The following EPHA6 variants were observed in gnomAD, a reference collection of about 807,000 sequenced individuals.
EPHA6 encodes the protein EPH receptor A6.
In EPHA6, 50 loss-of-function variants were observed where a neutral mutation model predicts 112.0. That is an observed-to-expected ratio of 0.45 (90% confidence interval 0.36 to 0.56). The LOEUF is 0.56. Ranked by LOEUF, EPHA6 falls within the 20% of genes least tolerant of loss-of-function variation. The pLI is 0.00. For missense variants in EPHA6, 1,280 were observed against 1,417.4 expected (o/e 0.90, Z 1.56); for synonymous variants, 529 against 490.7 (o/e 1.08, Z -1.03).
intron 14 of EPHA6, among the ~76,000 whole-genome samples, chr3:97,678,200 T>C (rs2031565225): frequency 6.6e-6 from 1 of 152,150 alleles, no homozygotes; most frequent in Non-Finnish European, 1.5e-5. Flanking sequence ...AGATAGGATG[T>C]GGGAAATACC....
chr3:97,163,115 T>C (rs1021120547), intron 3 of EPHA6, among the ~76,000 whole-genome samples: 2 of 152,086 alleles, frequency 1.3e-5, no homozygotes, highest in East Asian at 3.9e-4. Context: ...TATTTACTTT[T>C]CAAATTATTT....
At chr3:97,384,347 A>T (rs1202180309) in intron 5 of EPHA6, among the ~76,000 whole-genome samples, 2 of 152,208 alleles carry the variant, frequency 1.3e-5, no homozygotes, top group East Asian at 3.9e-4. Flanking sequence ...GTGAGAAGCA[A>T]TGCTGGGATT....
At chr3:97,455,860 A>G (rs2090665792) in intron 7 of EPHA6, among the ~76,000 whole-genome samples, 1 of 152,066 alleles carries the variant, frequency 6.6e-6, no homozygotes, top group South Asian at 2.1e-4. Context: ...GACAAAAAAA[A>G]AAAAGATATT....
intron 5 of EPHA6, among the ~76,000 whole-genome samples, chr3:97,364,573 A>T (rs1168757701): frequency 6.6e-6 from 1 of 152,060 alleles, no homozygotes; most frequent in Non-Finnish European, 1.5e-5. Flanking sequence ...AGAGTATGCA[A>T]AACAGTTACA....
At chr3:97,636,034 T>G (rs2093942000) in intron 13 of EPHA6, among the ~76,000 whole-genome samples, 1 of 152,094 alleles carries the variant, frequency 6.6e-6, no homozygotes, top group South Asian at 2.1e-4. Flanking sequence ...TAACTATTAT[T>G]AAATTAAGTG....
chr3:97,522,765 C>T (rs964196534), intron 10 of EPHA6, among the ~76,000 whole-genome samples: 2 of 151,956 alleles, frequency 1.3e-5, no homozygotes, highest in Admixed American at 6.6e-5. Context: ...ACTTTGTCCT[C>T]GTAGATTCCA....
intron 3 of EPHA6, among the ~76,000 whole-genome samples, chr3:97,028,168 A>G (rs988046280): frequency 6.6e-6 from 1 of 152,170 alleles, no homozygotes; most frequent in Admixed American, 6.6e-5. Flanking sequence ...TTGTTTATAT[A>G]GAGAGGAGAA....
intron 1 of EPHA6, among the ~76,000 whole-genome samples, chr3:96,852,763 A>G (rs1239287467): frequency 3.9e-5 from 6 of 152,146 alleles, no homozygotes; most frequent in Non-Finnish European, 4.4e-5. Flanking sequence ...GATGCAGATA[A>G]TAACTGCATC....
At chr3:97,264,886 T>C (rs532316682) in intron 5 of EPHA6, among the ~76,000 whole-genome samples, 33 of 152,134 alleles carry the variant, frequency 2.2e-4, no homozygotes, top group Non-Finnish European at 3.8e-4. Flanking sequence ...GAGAGGAGGG[T>C]TGCTGCTCTC....
intron 5 of EPHA6, among the ~76,000 whole-genome samples, chr3:97,329,055 C>A (rs560460533): frequency 6.6e-6 from 1 of 151,952 alleles, no homozygotes; most frequent in African/African-American, 2.4e-5. Context: ...CTATGAGTGA[C>A]AACATGCGGT....
intron 10 of EPHA6, among the ~76,000 whole-genome samples, chr3:97,496,587 T>C (rs573207595): frequency 3.3e-5 from 5 of 152,250 alleles, no homozygotes; most frequent in Admixed American, 3.3e-4. Flanking sequence ...TATAAGAATA[T>C]CTTCTTCTGG....
intron 3 of EPHA6, among the ~76,000 whole-genome samples, chr3:97,047,273 G>T (rs2045540418): frequency 1.3e-5 from 2 of 151,922 alleles, no homozygotes; most frequent in South Asian, 2.1e-4. Flanking sequence ...GGCCAAGGCG[G>T]GTGGATCATG....
At chr3:97,037,704 A>T (rs1475659607) in intron 3 of EPHA6, among the ~76,000 whole-genome samples, 1 of 152,070 alleles carries the variant, frequency 6.6e-6, no homozygotes, top group Non-Finnish European at 1.5e-5. Flanking sequence ...AGGAAGCAGG[A>T]AACAATCTGT....
At chr3:97,430,082 A>C (rs1458737304) in intron 6 of EPHA6, among the ~76,000 whole-genome samples, 3 of 152,174 alleles carry the variant, frequency 2.0e-5, no homozygotes, top group Admixed American at 1.3e-4. Flanking sequence ...TAATTTTTAA[A>C]TATCACATAG....
chr3:97,374,365 C>T (rs989927825), intron 5 of EPHA6, among the ~76,000 whole-genome samples: 8 of 152,086 alleles, frequency 5.3e-5, no homozygotes, highest in Non-Finnish European at 1.2e-4. Context: ...TTTGGTACCT[C>T]TTATGATCAT....
chr3:96,847,488 CAAAAT>C lies in EPHA6; in HGVS notation c.386-19333_386-19329del, dbSNP rs1164279512. Among the ~76,000 whole-genome samples the C allele has an allele frequency of 4.6e-5, 7 of 151,566 alleles. No homozygotes were observed. In the East Asian group the frequency reaches 9.7e-4, roughly 21 times the overall value. ...TTTAATGTTTCTTCATTGCTGTTGT[CAAAAT>C]AAAGTAATGTTTCTCTTAAGAAGAA... On this transcript the variant is annotated intron_variant, in intron 1 of 17. Coordinates refer to ENST00000389672, the MANE Select transcript of EPHA6 (RefSeq NM_001080448.3).
At chr3:97,142,623 A>C (rs1576562711) in intron 3 of EPHA6, among the ~76,000 whole-genome samples, 1 of 152,076 alleles carries the variant, frequency 6.6e-6, no homozygotes, top group Admixed American at 6.6e-5. Context: ...ATGAAGAAAT[A>C]GAAATCCTGA....
At chr3:96,875,865 T>C (rs7609784) in intron 2 of EPHA6, among the ~76,000 whole-genome samples, 33,453 of 151,554 alleles carry the variant, frequency 0.22, 6,527 homozygotes, top group African/African-American at 0.5. Context: ...TTTATTTTTT[T>C]CATTGTTACT....
intron 15 of EPHA6, among the ~76,000 whole-genome samples, chr3:97,724,342 T>C (rs1265964041): frequency 6.6e-6 from 1 of 151,744 alleles, no homozygotes; most frequent in East Asian, 1.9e-4. Flanking sequence ...AAAAAAAGAG[T>C]ACACAGAACT....
Sources: gnomAD v4.1 joint callset for allele counts (sites outside exome capture counted in the v4.1 genomes callset) on GRCh38, gnomAD v4.1.1 for gene constraint, MANE v1.5 for transcripts, NCBI Gene and HGNC (gene_info 2026-07-23, HGNC 2026-07-21) for gene names.